The following TEX261 variants were observed in gnomAD, a reference collection of about 807,000 sequenced individuals.
TEX261 encodes the protein protein TEX261.
TEX261 carries 13 observed loss-of-function variants against 25.1 expected under a neutral mutation model. The ratio of observed to expected loss-of-function variants is 0.52; its 90% CI spans 0.34 to 0.82. The LOEUF is 0.82. Ranked by LOEUF, TEX261 falls within the 40% of genes least tolerant of loss-of-function variation. The probability of loss-of-function intolerance (pLI) is 0.02; values close to 1 mark genes in which losing one functional copy is unlikely to be tolerated. For missense variants in TEX261, 206 were observed against 243.2 expected (o/e 0.85, Z 1.02); for synonymous variants, 92 against 97.8 (o/e 0.94, Z 0.35).
chr2:70,992,401 C>G (rs1209892041), intron 2 of TEX261, among the ~76,000 whole-genome samples: 5 of 152,086 alleles, frequency 3.3e-5, no homozygotes, highest in African/African-American at 9.7e-5. Context: ...CCGCACCCAG[C>G]CCATTTCTCA....
chr2:70,992,736 A>C (rs951145240), intron 2 of TEX261, among the ~76,000 whole-genome samples: 1 of 152,100 alleles, frequency 6.6e-6, no homozygotes, highest in Non-Finnish European at 1.5e-5. Context: ...TCTCAAAAAA[A>C]AAAAAAGAAA....
rs782206337 is a variant in TEX261, at chr2:70,991,993, C to T, written c.151-10G>A. 3 of 1,585,566 alleles carry T rather than the reference C, an allele frequency of 1.9e-6. No homozygotes were observed. The highest frequency in any genetic ancestry group is 2.6e-6 in the Non-Finnish European group (3 of 1,165,234). On this transcript the variant is annotated splice_polypyrimidine_tract_variant and intron_variant, in intron 2 of 5. Coordinates refer to ENST00000272438, the MANE Select transcript of TEX261 (RefSeq NM_144582.3). Reference sequence around the variant, plus strand: ...GTACAGCGGTGGAGAACTGAAACAACCAGAGGCAGACAGTGCAGGGCGCTT... The same window carrying T: ...GTACAGCGGTGGAGAACTGAAACAATCAGAGGCAGACAGTGCAGGGCGCTT...
chr2:70,988,838 G>A (rs954871435), intron 5 of TEX261, 77 bp downstream of exon 5: 2 of 1,556,356 alleles, frequency 1.3e-6, no homozygotes, highest in Non-Finnish European at 1.8e-6. Context: ...CTAGATTCAG[G>A]TTCCCTCAGT....
chr2:70,994,531 G>C, intron 1 of TEX261, 157 bp downstream of exon 1: 1 of 1,086,812 alleles, frequency 9.2e-7, no homozygotes, highest in Middle Eastern at 3.0e-4. Context: ...AGGCTCGACA[G>C]GAGGGGCAGG....
intron 1 of TEX261, 58 bp from the exon 2 acceptor site, chr2:70,993,833 C>G: frequency 7.2e-7 from 1 of 1,385,986 alleles, no homozygotes; most frequent in Non-Finnish European, 1.0e-6. Flanking sequence ...ATCCTGGTCA[C>G]CCCTCTCTCT....
chr2:70,988,893 C>A, intron 5 of TEX261, 22 bp downstream of exon 5: 1 of 1,611,264 alleles, frequency 6.2e-7, no homozygotes, highest in Non-Finnish European at 8.5e-7. Context: ...CCCACCTGGG[C>A]CCCTTACAAA....
chr2:70,991,738 G>A, intron 3 of TEX261, 92 bp downstream of exon 3: 1 of 1,473,464 alleles, frequency 6.8e-7, no homozygotes, highest in Non-Finnish European at 9.2e-7. Flanking sequence ...TTCAACAGCT[G>A]GCTTCCTTTT....
intron 1 of TEX261, chr2:70,994,387 G>A: frequency 2.0e-6 from 1 of 500,308 alleles, no homozygotes; most frequent in East Asian, 4.0e-5. Context: ...CCGCGCGGCA[G>A]GCCCGCGAAG....
chr2:70,993,119 A>G (rs531048597), intron 2 of TEX261, among the ~76,000 whole-genome samples: 14 of 152,254 alleles, frequency 9.2e-5, no homozygotes, highest in African/African-American at 3.4e-4. Flanking sequence ...TTTCTCTCCA[A>G]TGGCACCCCT....
intron 1 of TEX261, 165 bp downstream of exon 1, chr2:70,994,523 G>A: frequency 2.0e-6 from 2 of 1,007,444 alleles, no homozygotes; most frequent in Non-Finnish European, 2.9e-6. Flanking sequence ...GGGCTGCCAG[G>A]CTCGACAGGA....
In TEX261 at chr2:70,989,380, G is replaced by A. The variant is rs34294055; in HGVS notation, c.373-363C>T. The A allele has an allele frequency of 1.5e-3, 610 of 415,870 alleles. 6 individuals carry two copies. The highest frequency in any genetic ancestry group is 3.6e-3 in the South Asian group (139 of 38,548). The allele number at this position is 415,870 out of a possible 1,614,324, so 25.8% of individuals were successfully genotyped here. On this transcript the variant is annotated intron_variant, in intron 4 of 5. Transcript: ENST00000272438. ...TGGAGCAGCAGGGTGTGGAGAAATC[G>A]TGGGAGAAGAAAACCTTGGCGGCCA...
At chr2:70,990,363 G>T (rs1328993854) in intron 3 of TEX261, among the ~76,000 whole-genome samples, 3 of 152,140 alleles carry the variant, frequency 2.0e-5, no homozygotes, top group Non-Finnish European at 4.4e-5. Context: ...TCAACATTCT[G>T]GGGGAGGGGG....
rs1217568855 is a variant in TEX261 at position 70,989,670 on chromosome 2, A to C, written c.372+79T>G. ...CAGATTCAGTTTCAAATCATAGCTA[A>C]GTTTATAAAGTAAACCATGCAAGTT... On this transcript the variant is annotated intron_variant, in intron 4 of 5. Transcript: ENST00000272438. 5.1e-6 allele frequency: 5 copies of C among 976,176 alleles called. No individual in the cohort carries two copies. In the East Asian group the frequency reaches 1.2e-4, roughly 23 times the overall value. The allele number at this position is 976,176 out of a possible 1,614,324, so 60.5% of individuals were successfully genotyped here. A position where few individuals can be genotyped will look rare whatever the true frequency, so the allele number is the denominator to read the frequency against.
chr2:70,989,362 G>A (rs1553425353), intron 4 of TEX261: 9 of 435,424 alleles, frequency 2.1e-5, no homozygotes, highest in Non-Finnish European at 3.8e-5. Flanking sequence ...AACTGGAGCA[G>A]CAGGGTGTGG....
intron 2 of TEX261, among the ~76,000 whole-genome samples, chr2:70,993,391 C>T (rs558401708): frequency 6.6e-5 from 10 of 152,314 alleles, no homozygotes; most frequent in Admixed American, 1.3e-4. Flanking sequence ...CTAAAGACAG[C>T]GGGAGAGAGC....
chr2:70,988,590 T>C lies in TEX261; in HGVS notation c.*10A>G, dbSNP rs1553425191. Reference sequence around the variant, plus strand: ...CTGATCTTGCCCCCCACATCCTGCCTGCATGGGGGTCAGTATATCTTCTGA... The same window carrying C: ...CTGATCTTGCCCCCCACATCCTGCCCGCATGGGGGTCAGTATATCTTCTGA... On this transcript the variant is annotated 3_prime_UTR_variant, in exon 6 of 6. Transcript: ENST00000272438. 6.3e-7 allele frequency: 1 copy of C among 1,599,222 alleles called. No homozygotes were observed. The highest frequency in any genetic ancestry group is 8.6e-7 in the Non-Finnish European group (1 of 1,166,378).
chr2:70,988,671 G>A lies in TEX261; in HGVS notation c.520C>T (p.Arg174Cys), dbSNP rs200711339. 2.4e-5 allele frequency: 39 copies of A among 1,614,062 alleles called. No homozygotes were observed. Among genetic ancestry groups the A allele is most frequent in the Non-Finnish European group, 2.7e-5 (32 of 1,180,032 alleles). ...GAGAAGACAACCAGGATCCCTAAGC[G>A]TTTGCCCCGCTTGCCTTTGGTGAAA... Reference protein sequence around the residue: ...NYFTKGKRGKRLGILVVFSFI... With the variant: ...NYFTKGKRGKCLGILVVFSFI... The change falls in exon 6 of 6, where the codon CGC becomes TGC. Residue 174 changes from arginine (R) to cysteine (C), a missense_variant. By Grantham distance (180) the Arg-to-Cys change is radical (BLOSUM62 -3). Transcript: ENST00000272438.
chr2:70,988,802 C>T (rs1212660479), intron 5 of TEX261, 87 bp from the exon 6 acceptor site: 83 of 1,515,594 alleles, frequency 5.5e-5, no homozygotes, highest in Middle Eastern at 1.7e-4. Context: ...CTCCCAACCC[C>T]GAGTCCAGGT....
At chr2:70,990,402 C>T (rs1417109993) in intron 3 of TEX261, among the ~76,000 whole-genome samples, 2 of 152,122 alleles carry the variant, frequency 1.3e-5, no homozygotes, top group Non-Finnish European at 2.9e-5. Flanking sequence ...CCAGGTAAGG[C>T]ATACCGGTGT....
Sources: allele counts gnomAD v4.1 joint callset (sites outside exome capture counted in the v4.1 genomes callset), GRCh38; gene constraint gnomAD v4.1.1; transcripts MANE v1.5; gene names NCBI Gene and HGNC (gene_info 2026-07-23, HGNC 2026-07-21).